Variants in HAUS7 observed in about 807,000 individuals in gnomAD.
The protein encoded by HAUS7 is HAUS augmin like complex subunit 7.
In HAUS7, 3 loss-of-function variants were observed where a neutral mutation model predicts 28.4. The ratio of observed to expected loss-of-function variants is 0.11; its 90% CI spans 0.05 to 0.27. HAUS7 has a LOEUF of 0.27. Among genes scored for constraint, HAUS7 ranks in the 10% least tolerant of loss-of-function variants. HAUS7 has a pLI of 1.00. For missense variants in HAUS7, 284 were observed against 297.3 expected (o/e 0.96, Z 0.33); for synonymous variants, 165 against 132.1 (o/e 1.25, Z -1.71).
upstream of HAUS7, among the ~76,000 whole-genome samples, chrX:153,474,393 C>T (rs2089548320): frequency 8.9e-6 from 1 of 112,071 alleles, no homozygotes; most frequent in Admixed American, 9.3e-5. Flanking sequence ...CATGGTACCA[C>T]CATCGCCATC....
chrX:153,476,016 G>A (rs200666536), intron 1 of HAUS7, among the ~76,000 whole-genome samples: 8 of 86,470 alleles, frequency 9.3e-5, no homozygotes, highest in East Asian at 9.4e-4. Context: ...ACATCTGCTC[G>A]TGCTCCACCC....
intron 2 of HAUS7, among the ~76,000 whole-genome samples, chrX:153,468,020 G>A (rs2089474809): frequency 8.9e-6 from 1 of 112,694 alleles, no homozygotes; most frequent in African/African-American, 3.2e-5. Context: ...ATGTGAGCAA[G>A]AGCAAAAGGT....
intron 4 of HAUS7, among the ~76,000 whole-genome samples, chrX:153,457,889 C>T (rs910420056): frequency 2.6e-5 from 3 of 113,373 alleles, no homozygotes; most frequent in African/African-American, 9.6e-5. Context: ...TGAGAGGCTA[C>T]GCCTGCTCCA....
At chrX:153,462,033 CTG>C (rs1254367035) in intron 4 of HAUS7, 8 of 656,272 alleles carry the variant, frequency 1.2e-5, no homozygotes, top group Non-Finnish European at 9.6e-6. Flanking sequence ...CCTCCTGGGG[CTG>C]TGTCATAGGC....
intron 4 of HAUS7, chrX:153,462,036 T>C (rs1556983478): frequency 4.4e-6 from 3 of 675,745 alleles, no homozygotes; most frequent in Admixed American, 2.9e-5. Context: ...CCTGGGGCTG[T>C]GTCATAGGCC....
intron 4 of HAUS7, chrX:153,461,682 T>C (rs1334456965): frequency 6.1e-6 from 1 of 163,726 alleles, no homozygotes; most frequent in East Asian, 1.3e-4. Context: ...AAAACCATAA[T>C]GAGATGCCAC....
intron 5 of HAUS7, 182 bp from the exon 6 acceptor site, chrX:153,456,833 C>T (rs1556982359): frequency 1.1e-5 from 5 of 447,946 alleles, no homozygotes; most frequent in East Asian, 3.7e-5. Flanking sequence ...TGCCCGCCTA[C>T]CTACCCACCC....
At chrX:153,494,113 C>T (rs2089689579) in intron 1 of HAUS7, among the ~76,000 whole-genome samples, 2 of 111,316 alleles carry the variant, frequency 1.8e-5, no homozygotes, top group Admixed American at 1.9e-4. Context: ...GACCTGGGCT[C>T]TAGCCACTGG....
intron 1 of HAUS7, chrX:153,485,673 C>T (rs782251289): frequency 2.1e-5 from 11 of 519,989 alleles, no homozygotes; most frequent in Middle Eastern, 6.3e-4. Context: ...TGAATCCCCA[C>T]GCTCGTCTTG....
upstream of HAUS7, among the ~76,000 whole-genome samples, chrX:153,474,727 G>T (rs1418942273): frequency 9.6e-6 from 1 of 104,677 alleles, no homozygotes; most frequent in Non-Finnish European, 2.0e-5. Flanking sequence ...GCGGGGGCGG[G>T]GGCGGGGGCG....
At chrX:153,475,448 C>G (rs1237940414), upstream of HAUS7, among the ~76,000 whole-genome samples, 1 of 111,284 alleles carries the variant, frequency 9.0e-6, no homozygotes, top group Non-Finnish European at 1.9e-5. Context: ...TTAGTGCTCA[C>G]CAAAGCGTCT....
intron 1 of HAUS7, among the ~76,000 whole-genome samples, chrX:153,475,819 GCA>G (rs2089559011): frequency 1.1e-4 from 1 of 8,891 alleles, no homozygotes; most frequent in Non-Finnish European, 3.5e-4. Context: ...AGGTGCTCCT[GCA>G]GAGAGCAGGA....
chrX:153,483,236 T>G, intron 1 of HAUS7: 1 of 675,787 alleles, frequency 1.5e-6, no homozygotes. Context: ...CAGCCAGAGT[T>G]GGAGCCTGAC....
Position 153,469,126 on chromosome X carries a change from G to A in HAUS7, c.224+20C>T, listed in dbSNP as rs142766149. ...CCCATGCACACCCCAGGTGGGAAGAGGAAGAAACTGATGCATTACCGGGTA... is the reference window on the plus strand; with the variant it reads ...CCCATGCACACCCCAGGTGGGAAGAAGAAGAAACTGATGCATTACCGGGTA... On this transcript the variant is annotated intron_variant, in intron 2 of 9. Transcript: ENST00000370211. 1.5e-3 allele frequency: 1,391 copies of A among 948,688 alleles called. 23 individuals carry two copies. The African/African-American group carries it at 0.024, about 16-fold the overall frequency. The allele number at this position is 948,688 out of a possible 1,213,427, so 78.2% of individuals were successfully genotyped here.
upstream of HAUS7, among the ~76,000 whole-genome samples, chrX:153,472,320 G>A (rs2089531155): frequency 1.8e-5 from 2 of 111,926 alleles, no homozygotes; most frequent in Non-Finnish European, 1.9e-5. Flanking sequence ...GGTTATGGAG[G>A]CCATCCCCCT....
At chrX:153,452,632 A>T (rs149823400) in intron 9 of HAUS7, among the ~76,000 whole-genome samples, 8 of 112,536 alleles carry the variant, frequency 7.1e-5, no homozygotes, top group African/African-American at 2.6e-4. Context: ...GACTGTTTTC[A>T]GTTAGGATGC....
chrX:153,453,563 A>G (rs1303784285), intron 9 of HAUS7, among the ~76,000 whole-genome samples: 2 of 108,871 alleles, frequency 1.8e-5, no homozygotes, highest in African/African-American at 6.9e-5. Context: ...GTGCAGGGAT[A>G]GCAAAAAAAA....
intron 1 of HAUS7, among the ~76,000 whole-genome samples, chrX:153,480,144 A>C (rs372577793): frequency 6.3e-5 from 7 of 111,159 alleles, no homozygotes; most frequent in African/African-American, 2.3e-4. Context: ...TGCTGGGGAA[A>C]CGCCCTACCC....
upstream of HAUS7, among the ~76,000 whole-genome samples, chrX:153,474,821 G>T (rs1201840480): frequency 9.1e-6 from 1 of 109,674 alleles, no homozygotes; most frequent in Admixed American, 9.5e-5. Flanking sequence ...GCTGCTGCAC[G>T]TGCGCGGGGC....
Sources: allele counts gnomAD v4.1 joint callset (sites outside exome capture counted in the v4.1 genomes callset), GRCh38; gene constraint gnomAD v4.1.1; transcripts MANE v1.5; gene names NCBI Gene and HGNC (gene_info 2026-07-23, HGNC 2026-07-21).